The following ARHGAP10 variants were observed in gnomAD, a reference collection of about 807,000 sequenced individuals.
ARHGAP10 encodes rho GTPase-activating protein 10.
Under a neutral mutation model 108.6 loss-of-function variants are expected in ARHGAP10, and 87 were observed. The ratio of observed to expected loss-of-function variants is 0.80; its 90% confidence interval spans 0.67 to 0.96. The LOEUF is 0.96. Among genes scored for constraint, ARHGAP10 ranks in the 40% least tolerant of loss-of-function variants. ARHGAP10 has a pLI of 0.00. For synonymous variants in ARHGAP10, 347 were observed against 341.1 expected, an observed-to-expected ratio of 1.02 and a Z score of -0.19; for missense variants, 939 against 954.5, an observed-to-expected ratio of 0.98 and a Z score of 0.21.
chr4:147,913,418 G>A (rs1579193826), intron 13 of ARHGAP10, among the ~76,000 whole-genome samples: 4 of 152,320 alleles, frequency 2.6e-5, no homozygotes, highest in African/African-American at 2.4e-5. Context: ...CACAGATTGG[G>A]TGGCTTAAAG....
At chr4:147,738,665 A>G (rs1455986550) in intron 1 of ARHGAP10, among the ~76,000 whole-genome samples, 1 of 152,206 alleles carries the variant, frequency 6.6e-6, no homozygotes, top group Non-Finnish European at 1.5e-5. Flanking sequence ...TTATGATGAC[A>G]TAACTAAATT....
At chr4:147,892,577 AGTGTGGGGTTG>A (rs1560812936) in intron 10 of ARHGAP10, among the ~76,000 whole-genome samples, 5 of 6,478 alleles carry the variant, frequency 7.7e-4, no homozygotes, top group African/African-American at 1.2e-3. Context: ...AGCATGGGGG[AGTGTGGGGTTG>A]GCTGGGAGTG....
In ARHGAP10 at chr4:147,775,645, C is replaced by T. The variant is rs138191356; in HGVS notation, c.154+43190C>T. On this transcript the variant is annotated intron_variant, in intron 1 of 22. Transcript: ENST00000336498. ...GGAAAGATCACAGGCTTTTTGGCTA[C>T]GCTGACCTGGTTTTGAATTCTGGCT... Among the ~76,000 whole-genome samples, 429 of 152,248 alleles carry T rather than the reference C, an allele frequency of 2.8e-3. 4 individuals carry two copies. The highest frequency in any genetic ancestry group is 0.015 in the Admixed American group (231 of 15,296).
intron 20 of ARHGAP10, among the ~76,000 whole-genome samples, chr4:148,054,415 C>T (rs1729275559): frequency 6.6e-6 from 1 of 152,218 alleles, no homozygotes; most frequent in Non-Finnish European, 1.5e-5. Flanking sequence ...TGTAATAAAA[C>T]CCAATCACTG....
chr4:147,768,724 G>C (rs533973768), intron 1 of ARHGAP10, among the ~76,000 whole-genome samples: 9 of 146,480 alleles, frequency 6.1e-5, no homozygotes, highest in Non-Finnish European at 1.2e-4. Context: ...CTTAAAAATG[G>C]GGGCAAATTT....
At chr4:147,934,450 T>G (rs1188744401) in intron 13 of ARHGAP10, among the ~76,000 whole-genome samples, 2 of 152,162 alleles carry the variant, frequency 1.3e-5, no homozygotes, top group South Asian at 4.1e-4. Context: ...TATGAGCAGG[T>G]TACTTTCTGT....
At chr4:148,042,454 C>G (rs1293030562) in intron 19 of ARHGAP10, among the ~76,000 whole-genome samples, 1 of 152,218 alleles carries the variant, frequency 6.6e-6, no homozygotes, top group Non-Finnish European at 1.5e-5. Context: ...CCAACAACTA[C>G]TGTGGCTCTG....
intron 18 of ARHGAP10, among the ~76,000 whole-genome samples, chr4:147,995,058 T>C (rs1458013325): frequency 6.6e-6 from 1 of 152,212 alleles, no homozygotes; most frequent in African/African-American, 2.4e-5. Context: ...TGTAACTTTT[T>C]TGGAAGTCTA....
At chr4:147,851,755 A>G (rs1040892799) in intron 4 of ARHGAP10, among the ~76,000 whole-genome samples, 1 of 152,218 alleles carries the variant, frequency 6.6e-6, no homozygotes, top group African/African-American at 2.4e-5. Flanking sequence ...GCCAGCCTTC[A>G]GGAAGTTAGC....
chr4:147,831,953 C>G (rs2126798166), intron 3 of ARHGAP10, among the ~76,000 whole-genome samples: 1 of 152,326 alleles, frequency 6.6e-6, no homozygotes, highest in African/African-American at 2.4e-5. Context: ...CTGTGGCCTT[C>G]CAGCCTTGTC....
chr4:148,046,062 A>T (rs1202774900), intron 19 of ARHGAP10, among the ~76,000 whole-genome samples: 1 of 152,256 alleles, frequency 6.6e-6, no homozygotes, highest in Non-Finnish European at 1.5e-5. Context: ...CAAAGGGCCA[A>T]GCCTTGATGG....
rs543655849 is a variant in ARHGAP10, at chr4:148,025,749, A to G, written c.1867+2336A>G. On this transcript the variant is annotated intron_variant, in intron 19 of 22. Coordinates refer to ENST00000336498, the MANE Select transcript of ARHGAP10 (RefSeq NM_024605.4). ...TGTCATTACGACTTAATTTTTTTTAAAGTAGCTTGAATCATATAATTGTCA... is the reference window on the plus strand; with the variant it reads ...TGTCATTACGACTTAATTTTTTTTAGAGTAGCTTGAATCATATAATTGTCA... Among the ~76,000 whole-genome samples the G allele has an allele frequency of 7.2e-5, 11 of 152,224 alleles. No individual in the cohort carries two copies. In the South Asian group the frequency reaches 2.1e-3, roughly 29 times the overall value.
chr4:147,984,150 GTGT>G (rs1269952850), intron 18 of ARHGAP10, among the ~76,000 whole-genome samples: 1 of 152,078 alleles, frequency 6.6e-6, no homozygotes, highest in Middle Eastern at 3.2e-3. Flanking sequence ...TTGTTTGGTG[GTGT>G]TGTTTAAGCT....
intron 19 of ARHGAP10, among the ~76,000 whole-genome samples, chr4:148,033,576 T>A (rs1444884035): frequency 1.3e-5 from 2 of 152,252 alleles, no homozygotes; most frequent in African/African-American, 2.4e-5. Context: ...TATAGTGTAT[T>A]ACTTGTAATA....
intron 1 of ARHGAP10, among the ~76,000 whole-genome samples, chr4:147,765,335 T>TGGGGGGGGGG (rs1463328322): frequency 4.4e-5 from 1 of 22,682 alleles, no homozygotes; most frequent in African/African-American, 8.8e-5. Flanking sequence ...TGTGTGTGTG[T>TGGGGGGGGGG]GTGGGGGGGG....
chr4:147,978,242 T>C (rs917522294), intron 18 of ARHGAP10, among the ~76,000 whole-genome samples: 2 of 152,172 alleles, frequency 1.3e-5, no homozygotes, highest in Non-Finnish European at 2.9e-5. Context: ...CTTTGAGAAA[T>C]GTCCAACTGC....
At chr4:147,734,385 T>G (rs1211906871) in intron 1 of ARHGAP10, among the ~76,000 whole-genome samples, 1 of 152,232 alleles carries the variant, frequency 6.6e-6, no homozygotes. Context: ...ATCTTACTCA[T>G]TTTGATTCTC....
intron 18 of ARHGAP10, among the ~76,000 whole-genome samples, chr4:148,011,963 G>A (rs2149654790): frequency 6.6e-6 from 1 of 152,286 alleles, no homozygotes; most frequent in Middle Eastern, 3.4e-3. Flanking sequence ...AGATAGTGCT[G>A]GGTTCTTAAA....
chr4:148,006,892 G>T (rs949587289), intron 18 of ARHGAP10, among the ~76,000 whole-genome samples: 1 of 152,046 alleles, frequency 6.6e-6, no homozygotes, highest in Non-Finnish European at 1.5e-5. Flanking sequence ...CTCCCCATCA[G>T]CCCACCCCAG....
Sources: allele counts gnomAD v4.1 joint callset (sites outside exome capture counted in the v4.1 genomes callset), GRCh38; gene constraint gnomAD v4.1.1; transcripts MANE v1.5; gene names NCBI Gene and HGNC (gene_info 2026-07-23, HGNC 2026-07-21).